Variants in MINAR1 observed in about 807,000 individuals in gnomAD.
The protein encoded by MINAR1 is membrane integral NOTCH2 associated receptor 1.
Under a neutral mutation model 65.1 loss-of-function variants are expected in MINAR1, and 40 were observed. The ratio of observed to expected loss-of-function variants is 0.61; its 90% CI spans 0.48 to 0.80. The LOEUF is 0.80. Among genes scored for constraint, MINAR1 ranks in the 30% least tolerant of loss-of-function variants. MINAR1 has a pLI of 0.00. For synonymous variants in MINAR1, 482 were observed against 449.1 expected (o/e 1.07, Z -0.93); for missense variants, 1,128 against 1,148.0 (o/e 0.98, Z 0.25).
At chr15:79,434,689 T>G (rs956890409) in intron 1 of MINAR1, among the ~76,000 whole-genome samples, 12 of 152,226 alleles carry the variant, frequency 7.9e-5, no homozygotes, top group African/African-American at 2.7e-4. Context: ...CTGATTAGCT[T>G]TTCCCACTGA....
intron 1 of MINAR1, among the ~76,000 whole-genome samples, chr15:79,434,907 T>C (rs1368237418): frequency 2.0e-5 from 3 of 152,194 alleles, no homozygotes; most frequent in Admixed American, 6.5e-5. Context: ...AGTATCAGAC[T>C]AGATCATGGA....
At chr15:79,434,367 C>G (rs1342258726) in intron 1 of MINAR1, among the ~76,000 whole-genome samples, 2 of 152,196 alleles carry the variant, frequency 1.3e-5, no homozygotes. Context: ...CTCTCTGATA[C>G]TCTGTCTGAA....
At chr15:79,446,846 T>C (rs781334517) in intron 1 of MINAR1, among the ~76,000 whole-genome samples, 9 of 152,212 alleles carry the variant, frequency 5.9e-5, no homozygotes, top group Non-Finnish European at 1.0e-4. Context: ...TCTATGCTCA[T>C]GTCTCTTAAG....
the MINAR1 span, chr15:79,411,437 T>C: frequency 1.4e-6 from 1 of 702,562 alleles, no homozygotes; most frequent in Non-Finnish European, 2.6e-6. Context: ...GTGGACAAGA[T>C]GGTCGACTAT....
chr15:79,457,042 T>G lies in MINAR1; in HGVS notation c.895T>G (p.Phe299Val). ...QSRKEPHKPP[F>V]FNHSFEMPYN... ...TCGAAAGGAACCCCACAAGCCACCC[T>G]TCTTCAACCACAGCTTTGAAATGCC... The change falls in exon 2 of 4, where the codon TTC (phenylalanine) becomes GTC (valine). Residue 299 changes from phenylalanine to valine, a missense_variant. Physicochemically the swap from Phe to Val is conservative, Grantham distance 50. Coordinates refer to ENST00000305428, the MANE Select transcript of MINAR1 (RefSeq NM_015206.3). The G allele has an allele frequency of 6.2e-7, 1 of 1,614,036 alleles. No individual in the cohort carries two copies.
chr15:79,418,769 G>C, the MINAR1 span: 1 of 152,344 alleles, frequency 6.6e-6, no homozygotes, highest in South Asian at 2.1e-4. Flanking sequence ...GGGTATAGAT[G>C]CTTGGACTGG....
intron 1 of MINAR1, among the ~76,000 whole-genome samples, chr15:79,437,393 TTGGGTG>T (rs1024203842): frequency 2.7e-4 from 38 of 142,366 alleles, no homozygotes; most frequent in African/African-American, 4.4e-4. Flanking sequence ...TGGGCAGTGA[TTGGGTG>T]TGGGTGTGGG....
rs763498870 is a variant in MINAR1 at position 79,457,423 on chromosome 15, A to G, written c.1276A>G (p.Ile426Val). ...AAAGGATCAACAGCCAATTCTCCCC[A>G]TTGCTTATGCGGCAAAACAAAATGG... ...VPKDQQPILP[I>V]AYAAKQNGLK... Residue 426 changes from isoleucine to valine, a missense_variant, in exon 2 of 4, where the codon ATT (isoleucine) becomes GTT (valine). Ile to Val is a conservative substitution (Grantham distance 29). Coordinates refer to ENST00000305428, the MANE Select transcript of MINAR1 (RefSeq NM_015206.3). 2.5e-6 allele frequency: 4 copies of G among 1,614,138 alleles called. No homozygotes were observed. Among genetic ancestry groups the G allele is most frequent in the Non-Finnish European group, 3.4e-6 (4 of 1,180,014 alleles).
chr15:79,451,280 A>G (rs1895189429), intron 1 of MINAR1, among the ~76,000 whole-genome samples: 1 of 151,960 alleles, frequency 6.6e-6, no homozygotes, highest in Admixed American at 6.6e-5. Context: ...ATGTTTTAAA[A>G]CCATCCCAGG....
chr15:79,466,992 G>A (rs757208049), intron 3 of MINAR1, among the ~76,000 whole-genome samples: 12 of 152,284 alleles, frequency 7.9e-5, no homozygotes, highest in Admixed American at 6.5e-4. Flanking sequence ...TGTCTTCATT[G>A]GCTGAACCCC....
At chr15:79,460,137 C>T (rs1895594981) in intron 2 of MINAR1, among the ~76,000 whole-genome samples, 1 of 152,192 alleles carries the variant, frequency 6.6e-6, no homozygotes, top group South Asian at 2.1e-4. Flanking sequence ...AAGTTGCTAA[C>T]ACTGGGGATG....
chr15:79,421,954 G>C, the MINAR1 span: 2 of 152,274 alleles, frequency 1.3e-5, no homozygotes, highest in African/African-American at 4.8e-5. Context: ...AGTGGATGGA[G>C]ACACATTGTA....
chr15:79,435,294 AC>A (rs1198722480), intron 1 of MINAR1, among the ~76,000 whole-genome samples: 1 of 150,234 alleles, frequency 6.7e-6, no homozygotes, highest in Admixed American at 6.6e-5. Flanking sequence ...AAAAAAAAAT[AC>A]GCAAAACAGA....
At chr15:79,454,177 T>C (rs1567056342) in intron 1 of MINAR1, among the ~76,000 whole-genome samples, 1 of 152,208 alleles carries the variant, frequency 6.6e-6, no homozygotes, top group Non-Finnish European at 1.5e-5. Flanking sequence ...GGTTTCCTGG[T>C]GACTTGTTCT....
rs373288803 is a variant in MINAR1 at position 79,468,357 on chromosome 15, C to T, written c.2724C>T (p.Val908=). The T allele has an allele frequency of 1.7e-4, 276 of 1,614,032 alleles. No individual in the cohort carries two copies. The highest frequency in any genetic ancestry group is 2.2e-4 in the Non-Finnish European group (257 of 1,179,992). Residue 908 remains valine (V), a synonymous_variant, in exon 4 of 4, where the codon GTC becomes GTT. Transcript: ENST00000305428. ...AAACTVILVI[V]VPICTMKS ...CATGCACCGTCATCCTCGTTATTGT[C>T]GTGCCCATCTGCACAATGAAATCAT...
In MINAR1 at chr15:79,471,530, G is replaced by T. The variant is rs1896080934; in HGVS notation, c.*3146G>T. 1 of 152,470 alleles carries T rather than the reference G, an allele frequency of 6.6e-6. No homozygotes were observed. Among genetic ancestry groups the T allele is most frequent in the South Asian group, 2.1e-4 (1 of 4,810 alleles). The allele number at this position is 152,470 out of a possible 1,614,324, so 9.4% of individuals were successfully genotyped here. Reference sequence around the variant, plus strand: ...ATCCATTACTAGCTGATCATAAATTGTTAGTATTTTAAGGTATGCAACTAT... The same window carrying T: ...ATCCATTACTAGCTGATCATAAATTTTTAGTATTTTAAGGTATGCAACTAT... On this transcript the variant is annotated 3_prime_UTR_variant, in exon 4 of 4. Transcript: ENST00000305428.
At chr15:79,420,230 A>G in the MINAR1 span, 1 of 152,228 alleles carries the variant, frequency 6.6e-6, no homozygotes, top group East Asian at 1.9e-4. Context: ...CCATTAGATT[A>G]TCATTCTACA....
chr15:79,411,700 G>A, the MINAR1 span: 421 of 539,444 alleles, frequency 7.8e-4, 3 homozygotes, highest in East Asian at 9.5e-3. Flanking sequence ...ATCCCGGCAG[G>A]AGGAGACTCC....
chr15:79,435,445 T>C (rs1042072197), intron 1 of MINAR1, among the ~76,000 whole-genome samples: 1 of 152,214 alleles, frequency 6.6e-6, no homozygotes. Context: ...ATATTCCCTC[T>C]CTGAATGTTT....
Sources: gnomAD v4.1 joint callset for allele counts (sites outside exome capture counted in the v4.1 genomes callset) on GRCh38, gnomAD v4.1.1 for gene constraint, MANE v1.5 for transcripts, NCBI Gene and HGNC (gene_info 2026-07-23, HGNC 2026-07-21) for gene names.